Variants in CEP250 observed in about 807,000 individuals in gnomAD.
CEP250 encodes the protein centrosomal protein 250, also known as centrosome-associated protein CEP250.
A neutral mutation model predicts 315.7 loss-of-function variants in CEP250; 242 were observed. The observed-to-expected ratio is 0.77, with a 90% confidence interval of 0.69 to 0.85. The LOEUF (loss-of-function observed/expected upper bound fraction) is 0.85. CEP250 is among the 40% of genes least tolerant of loss of function. The probability of loss-of-function intolerance (pLI) is 0.00; values close to 1 mark genes in which losing one functional copy is unlikely to be tolerated. For missense variants in CEP250, 2,515 were observed against 2,886.4 expected, an observed-to-expected ratio of 0.87 and a Z score of 2.95; for synonymous variants, 1,088 against 1,175.0, an observed-to-expected ratio of 0.93 and a Z score of 1.51.
intron 15 of CEP250, 87 bp downstream of exon 15, chr20:35,475,733 C>A: frequency 7.2e-7 from 1 of 1,392,572 alleles, no homozygotes; most frequent in Non-Finnish European, 9.9e-7. Flanking sequence ...ACCTTCAAGC[C>A]AGGATCCCTC....
chr20:35,509,072 T>A (rs2064280752), intron 33 of CEP250, 28 bp downstream of exon 33: 2 of 1,534,576 alleles, frequency 1.3e-6, no homozygotes, highest in Non-Finnish European at 8.8e-7. Context: ...AGCTGCAGCC[T>A]TAGAGAGCCC....
rs1032623789 is a variant in CEP250, at chr20:35,491,009, A to G, written c.2755-203A>G. 11 of 790,648 alleles carry G rather than the reference A, an allele frequency of 1.4e-5. No individual in the cohort carries two copies. The Admixed American group carries it at 2.0e-4, about 14-fold the overall frequency. The allele number at this position is 790,648 out of a possible 1,614,324, so 49.0% of individuals were successfully genotyped here. On this transcript the variant is annotated intron_variant, in intron 21 of 34. Transcript: ENST00000397527. Reference sequence around the variant, plus strand: ...TCATACTTCCTGAGGGAGGGCTGACATGTACCACATCCTGTCAGCTTGCAA... The same window carrying G: ...TCATACTTCCTGAGGGAGGGCTGACGTGTACCACATCCTGTCAGCTTGCAA...
intron 29 of CEP250, 37 bp downstream of exon 29, chr20:35,502,003 A>G (rs749866749): frequency 1.9e-5 from 30 of 1,600,468 alleles, no homozygotes; most frequent in Non-Finnish European, 2.0e-5. Flanking sequence ...GGTTTGCCTC[A>G]GGAGTAGTCC....
In CEP250 at chr20:35,512,220, T is replaced by A; in HGVS notation, c.*594T>A. 5.3e-6 allele frequency: 1 copy of A among 187,808 alleles called. No homozygotes were observed. Among genetic ancestry groups the A allele is most frequent in the South Asian group, 1.8e-4 (1 of 5,564 alleles). 11.6% of individuals were successfully genotyped at this position (187,808 alleles called of 1,614,324 possible). A position where few individuals can be genotyped will look rare whatever the true frequency, so the allele number is the denominator to read the frequency against. On this transcript the variant is annotated 3_prime_UTR_variant, in exon 35 of 35. Coordinates refer to ENST00000397527, the MANE Select transcript of CEP250 (RefSeq NM_007186.6). ...GTCAGAGGCAATTCTGTGTACTGAC[T>A]AGAAGAACTGTAGAAATTCCAGGGG... is the stretch of plus-strand genomic sequence containing the variant.
In CEP250 at chr20:35,511,436, C is replaced by G; in HGVS notation, c.7139C>G (p.Thr2380Ser). The G allele has an allele frequency of 6.2e-7, 1 of 1,614,082 alleles. No homozygotes were observed. Among genetic ancestry groups the G allele is most frequent in the Non-Finnish European group, 8.5e-7 (1 of 1,180,024 alleles). Residue 2380 changes from threonine (T) to serine (S), a missense_variant, in exon 35 of 35, where the codon ACC becomes AGC. Thr to Ser is a moderately conservative substitution (Grantham distance 58). Coordinates refer to ENST00000397527, the MANE Select transcript of CEP250 (RefSeq NM_007186.6). ...GACTACATCACCCGCTCAGCACAGA[C>G]CAGCCGTGAGCTAGCAGGCCTGCAC... ...KQDYITRSAQ[T>S]SRELAGLHHS...
chr20:35,467,123 T>C, intron 8 of CEP250, 51 bp downstream of exon 8: 1 of 1,270,774 alleles, frequency 7.9e-7, no homozygotes, highest in Non-Finnish European at 1.1e-6. Flanking sequence ...AATTCTGGAC[T>C]AATAACAGTG....
rs145805757 is a variant in CEP250, at chr20:35,501,830, CCT to C, written c.3899-10_3899-9del. The C allele has an allele frequency of 1, 1,586,118 of 1,588,360 alleles. 791,954 individuals are homozygous for C. The highest frequency in any genetic ancestry group is 1 in the South Asian group (87,810 of 87,844). Reference sequence around the variant, plus strand: ...TACTCCACTACCTCTCCTCTCCTCTCCTCTCTTCTCAAAGAGAAATCTAAGTG... The same window carrying C: ...TACTCCACTACCTCTCCTCTCCTCTCCTCTTCTCAAAGAGAAATCTAAGTG... On this transcript the variant is annotated splice_polypyrimidine_tract_variant and intron_variant, in intron 28 of 34. Coordinates refer to ENST00000397527, the MANE Select transcript of CEP250 (RefSeq NM_007186.6).
intron 20 of CEP250, among the ~76,000 whole-genome samples, chr20:35,487,875 T>C (rs1443046090): frequency 6.6e-6 from 1 of 152,240 alleles, no homozygotes; most frequent in Non-Finnish European, 1.5e-5. Context: ...TATCCACCTC[T>C]GTAATGTCCC....
At chr20:35,501,439 G>A (rs558061703) in intron 28 of CEP250, among the ~76,000 whole-genome samples, 24 of 152,322 alleles carry the variant, frequency 1.6e-4, no homozygotes, top group African/African-American at 5.5e-4. Context: ...TCCAACGCCT[G>A]TTGCAGAAAT....
chr20:35,481,915 G>T (rs1273806240), intron 20 of CEP250, among the ~76,000 whole-genome samples: 2 of 152,102 alleles, frequency 1.3e-5, no homozygotes, highest in Non-Finnish European at 2.9e-5. Context: ...GCCCAGGCTG[G>T]TCTCAAACTC....
intron 15 of CEP250, 46 bp downstream of exon 15, chr20:35,475,692 G>A (rs1223289714): frequency 5.6e-6 from 9 of 1,602,062 alleles, no homozygotes; most frequent in South Asian, 3.3e-5. Flanking sequence ...GGCTTCGAAA[G>A]TGTGTTCCCA....
Position 35,478,033 on chromosome 20 carries a change from G to A in CEP250, c.2026G>A (p.Ala676Thr), listed in dbSNP as rs1400411505. ...AQLQKAEEAG[A>T]ELQADLRDIQ... ...GCTGCAGAAAGCTGAGGAGGCTGGG[G>A]CTGAGCTGCAGGCAGATCTCAGGGA... Residue 676 changes from alanine (A) to threonine (T), a missense_variant, in exon 17 of 35, where the codon GCT becomes ACT. By Grantham distance (58) the Ala-to-Thr change is moderately conservative. Coordinates refer to ENST00000397527, the MANE Select transcript of CEP250 (RefSeq NM_007186.6). 1.9e-6 allele frequency: 3 copies of A among 1,614,138 alleles called. No homozygotes were observed.
Position 35,509,858 on chromosome 20 carries a change from G to T in CEP250, c.7009-140G>T, listed in dbSNP as rs573301103. The T allele has an allele frequency of 6.7e-6, 5 of 749,578 alleles. No homozygotes were observed. The East Asian group carries it at 1.0e-4, about 15-fold the overall frequency. The allele number at this position is 749,578 out of a possible 1,614,324, so 46.4% of individuals were successfully genotyped here. ...CTGCAGGGCCTGCTGCCCCATAGAC[G>T]TCCAGTCTGAGTTCAGATGCTTCTG... On this transcript the variant is annotated intron_variant, in intron 33 of 34. Coordinates refer to ENST00000397527, the MANE Select transcript of CEP250 (RefSeq NM_007186.6).
At chr20:35,482,040 G>C (rs1483197157) in intron 20 of CEP250, among the ~76,000 whole-genome samples, 1 of 144,646 alleles carries the variant, frequency 6.9e-6, no homozygotes, top group East Asian at 2.0e-4. Context: ...CTTTGTTCAG[G>C]CTTAAAAAAT....
chr20:35,497,074 G>C (rs369906837), intron 25 of CEP250, among the ~76,000 whole-genome samples: 20 of 152,280 alleles, frequency 1.3e-4, no homozygotes, highest in African/African-American at 4.3e-4. Context: ...TCCAGATCAG[G>C]CAGGCAGCAG....
chr20:35,500,861 A>G (rs2063983262), intron 28 of CEP250, among the ~76,000 whole-genome samples: 1 of 152,204 alleles, frequency 6.6e-6, no homozygotes, highest in Non-Finnish European at 1.5e-5. Context: ...GATGAACTGA[A>G]AGAAGGAAAT....
intron 6 of CEP250, 95 bp downstream of exon 6, chr20:35,465,920 G>A: frequency 2.0e-6 from 3 of 1,519,736 alleles, no homozygotes; most frequent in Non-Finnish European, 2.7e-6. Flanking sequence ...GTGGACTTCA[G>A]CCATAGCCCT....
rs1261736485 is a variant in CEP250 at position 35,475,693 on chromosome 20, T to C, written c.1716+47T>C. 3.1e-6 allele frequency: 5 copies of C among 1,597,570 alleles called. No homozygotes were observed. The African/African-American group carries it at 4.0e-5, about 13-fold the overall frequency. Reference sequence around the variant, plus strand: ...CTTGCTGGGTGGGCGGCTTCGAAAGTGTGTTCCCATGCAGCCTGCCTCATT... The same window carrying C: ...CTTGCTGGGTGGGCGGCTTCGAAAGCGTGTTCCCATGCAGCCTGCCTCATT... On this transcript the variant is annotated intron_variant, in intron 15 of 34. Coordinates refer to ENST00000397527, the MANE Select transcript of CEP250 (RefSeq NM_007186.6).
chr20:35,475,360 C>T, intron 14 of CEP250, 142 bp from the exon 15 acceptor site: 1 of 843,094 alleles, frequency 1.2e-6, no homozygotes, highest in South Asian at 1.8e-5. Context: ...TTTCACTTGA[C>T]ATGTCTTAGA....
Sources: gnomAD v4.1 joint callset for allele counts (sites outside exome capture counted in the v4.1 genomes callset) on GRCh38, gnomAD v4.1.1 for gene constraint, MANE v1.5 for transcripts, NCBI Gene and HGNC (gene_info 2026-07-23, HGNC 2026-07-21) for gene names.